The following RORA variants were observed in gnomAD, a reference collection of about 807,000 sequenced individuals.
RORA encodes the protein RAR related orphan receptor A, also known as nuclear receptor ROR-alpha.
RORA carries 7 observed loss-of-function variants against 69.5 expected under a neutral mutation model. That is an observed-to-expected ratio of 0.10 (90% confidence interval 0.06 to 0.19). The LOEUF (loss-of-function observed/expected upper bound fraction) is 0.19, where lower values mean the gene tolerates loss of function less well. Ranked by LOEUF, RORA falls within the 10% of genes least tolerant of loss-of-function variation. RORA has a pLI of 1.00. For missense variants in RORA, 457 were observed against 663.0 expected (o/e 0.69, Z 3.41); for synonymous variants, 261 against 240.8 (o/e 1.08, Z -0.78).
intron 2 of RORA, among the ~76,000 whole-genome samples, chr15:60,566,067 C>T (rs2140437017): frequency 6.6e-6 from 1 of 152,224 alleles, no homozygotes; most frequent in East Asian, 1.9e-4. Flanking sequence ...GGAAAGTCTT[C>T]CTATTAGGTG....
chr15:61,051,378 C>T (rs140856526), intron 1 of RORA, among the ~76,000 whole-genome samples: 1 of 152,294 alleles, frequency 6.6e-6, no homozygotes, highest in East Asian at 1.9e-4. Flanking sequence ...TTGTGGGGCA[C>T]ACTGATCCAC....
At chr15:60,584,805 G>A (rs950398069) in intron 2 of RORA, among the ~76,000 whole-genome samples, 1 of 151,946 alleles carries the variant, frequency 6.6e-6, no homozygotes, top group Non-Finnish European at 1.5e-5. Context: ...TTCTCATGTG[G>A]TGAAAAAAAA....
intron 2 of RORA, among the ~76,000 whole-genome samples, chr15:60,668,096 C>T (rs992136878): frequency 6.6e-6 from 1 of 152,158 alleles, no homozygotes. Context: ...AGCATGACAG[C>T]AGCATTCCTT....
chr15:61,026,342 A>G (rs749738256), intron 1 of RORA, among the ~76,000 whole-genome samples: 1 of 152,232 alleles, frequency 6.6e-6, no homozygotes, highest in Non-Finnish European at 1.5e-5. Context: ...GCTGCATTGT[A>G]TATCTGCTAT....
chr15:60,548,871 C>T lies in RORA; in HGVS notation c.197-17020G>A, dbSNP rs570323993. 5.3e-5 allele frequency among the ~76,000 whole-genome samples: 8 copies of T among 152,276 alleles called. No homozygotes were observed. In the South Asian group the frequency reaches 6.2e-4, roughly 12 times the overall value. Reference sequence around the variant, plus strand: ...CGATCTCCTGACCTCATGATCCGCCCGCCTTGGCCTCCCAAAGTGCTGGGA... The same window carrying T: ...CGATCTCCTGACCTCATGATCCGCCTGCCTTGGCCTCCCAAAGTGCTGGGA... On this transcript the variant is annotated intron_variant, in intron 2 of 10. Coordinates refer to ENST00000335670, the MANE Select transcript of RORA (RefSeq NM_134261.3).
chr15:61,082,707 C>T (rs1202903777), intron 1 of RORA, among the ~76,000 whole-genome samples: 1 of 152,110 alleles, frequency 6.6e-6, no homozygotes, highest in East Asian at 1.9e-4. Flanking sequence ...AATGGGGTTG[C>T]TCTTTCACAG....
At chr15:60,832,966 G>A (rs377438822) in intron 1 of RORA, among the ~76,000 whole-genome samples, 8 of 151,768 alleles carry the variant, frequency 5.3e-5, no homozygotes, top group South Asian at 2.1e-4. Context: ...GTGCAGTGGC[G>A]TGATCTCGGC....
chr15:60,729,228 T>C (rs1167699580), intron 1 of RORA, among the ~76,000 whole-genome samples: 4 of 152,040 alleles, frequency 2.6e-5, no homozygotes, highest in Non-Finnish European at 5.9e-5. Flanking sequence ...TTCTGCTCCA[T>C]CAAAACTTCA....
chr15:60,812,447 C>T (rs1051854400), intron 1 of RORA, among the ~76,000 whole-genome samples: 1 of 152,150 alleles, frequency 6.6e-6, no homozygotes. Flanking sequence ...GAGTTCAAGG[C>T]TGCAGTCAGC....
rs377282820 is a variant in RORA, at chr15:61,102,666, C to T, written c.166+126387G>A. On this transcript the variant is annotated intron_variant, in intron 1 of 10. Coordinates refer to ENST00000335670, the MANE Select transcript of RORA (RefSeq NM_134261.3). ...CTTCCTGGTTCTGCTCATGGATCCC[C>T]GGGCTGGTGCGCTTAATCCTCACAA... Among the ~76,000 whole-genome samples the T allele has an allele frequency of 1.7e-3, 261 of 152,320 alleles. 2 individuals are homozygous for T. The highest frequency in any genetic ancestry group is 0.01 in the Middle Eastern group (3 of 294).
chr15:60,915,390 G>A (rs1233675033), intron 1 of RORA, among the ~76,000 whole-genome samples: 1 of 152,126 alleles, frequency 6.6e-6, no homozygotes, highest in Non-Finnish European at 1.5e-5. Flanking sequence ...TGATTCCACT[G>A]GGGGGGCACA....
intron 1 of RORA, among the ~76,000 whole-genome samples, chr15:60,696,926 C>T (rs1009574764): frequency 3.9e-5 from 6 of 152,090 alleles, no homozygotes; most frequent in African/African-American, 1.4e-4. Context: ...AGTCCTGATT[C>T]TTCTGATCAT....
In RORA at chr15:60,493,713, T is replaced by C. The variant is rs2065094675; in HGVS notation, c.*3742A>G. On this transcript the variant is annotated 3_prime_UTR_variant, in exon 11 of 11. Transcript: ENST00000335670. ...TTTGTTTCACATTACAAAATCTTTT[T>C]TTCTTTACACAAATCACATTTTATT... 6.6e-6 allele frequency: 1 copy of C among 152,148 alleles called. No homozygotes were observed. The highest frequency in any genetic ancestry group is 1.5e-5 in the Non-Finnish European group (1 of 68,026). The allele number at this position is 152,148 out of a possible 1,614,324, so 9.4% of individuals were successfully genotyped here. A position where few individuals can be genotyped will look rare whatever the true frequency, so the allele number is the denominator to read the frequency against.
intron 2 of RORA, among the ~76,000 whole-genome samples, chr15:60,594,866 A>G (rs1020186154): frequency 6.6e-6 from 1 of 152,228 alleles, no homozygotes; most frequent in African/African-American, 2.4e-5. Context: ...TTCACTTCCT[A>G]CAACTAATGA....
intron 1 of RORA, among the ~76,000 whole-genome samples, chr15:61,064,296 T>C (rs929128305): frequency 3.9e-5 from 6 of 152,236 alleles, no homozygotes; most frequent in Non-Finnish European, 5.9e-5. Flanking sequence ...TCCGCGAAGG[T>C]TGTCCAGGTA....
chr15:60,882,115 C>T (rs2073687341), intron 1 of RORA, among the ~76,000 whole-genome samples: 1 of 152,178 alleles, frequency 6.6e-6, no homozygotes, highest in Non-Finnish European at 1.5e-5. Flanking sequence ...CTGTATCTTC[C>T]ATCTCTTATG....
intron 1 of RORA, among the ~76,000 whole-genome samples, chr15:60,949,940 C>T (rs1381364814): frequency 6.6e-6 from 1 of 152,162 alleles, no homozygotes; most frequent in African/African-American, 2.4e-5. Flanking sequence ...TAAAGAGTCA[C>T]TGGACATACT....
intron 1 of RORA, among the ~76,000 whole-genome samples, chr15:60,682,626 TAAAC>T (rs976208291): frequency 2.0e-5 from 3 of 152,052 alleles, no homozygotes; most frequent in African/African-American, 7.2e-5. Context: ...TTTAAAAAAA[TAAAC>T]AAAAGGAAGC....
At chr15:60,639,603 A>T (rs1316845119) in intron 2 of RORA, among the ~76,000 whole-genome samples, 1 of 152,210 alleles carries the variant, frequency 6.6e-6, no homozygotes, top group East Asian at 1.9e-4. Context: ...AACTGTAAAA[A>T]AAATTGAGCT....
Sources: gnomAD v4.1 joint callset for allele counts (sites outside exome capture counted in the v4.1 genomes callset) on GRCh38, gnomAD v4.1.1 for gene constraint, MANE v1.5 for transcripts, NCBI Gene and HGNC (gene_info 2026-07-23, HGNC 2026-07-21) for gene names.